TNFRSF19: variants seen among roughly 807,000 people sequenced by gnomAD.
TNFRSF19 encodes the protein TNF receptor superfamily member 19.
In TNFRSF19, 27 loss-of-function variants were observed where a neutral mutation model predicts 46.4. That is an observed-to-expected ratio of 0.58 (90% CI 0.43 to 0.80). The LOEUF is 0.80. Among genes scored for constraint, TNFRSF19 ranks in the 30% least tolerant of loss-of-function variants. TNFRSF19 has a pLI of 0.00. For missense variants in TNFRSF19, 511 were observed against 530.8 expected, an observed-to-expected ratio of 0.96 and a Z score of 0.37; for synonymous variants, 204 against 205.0, an observed-to-expected ratio of 1.00 and a Z score of 0.04.
chr13:23,581,000 T>G (rs79791874), intron 1 of TNFRSF19, among the ~76,000 whole-genome samples: 1 of 152,262 alleles, frequency 6.6e-6, no homozygotes, highest in African/African-American at 2.4e-5. Context: ...ATAAAAGTTA[T>G]TTGTTTCTTT....
At chr13:23,585,570 A>G (rs775867900) in intron 1 of TNFRSF19, 1 of 152,202 alleles carries the variant, frequency 6.6e-6, no homozygotes, top group Non-Finnish European at 1.5e-5. Context: ...TATTTTTCAC[A>G]TATACTATTT....
At chr13:23,638,352 G>C (rs529329201) in intron 5 of TNFRSF19, among the ~76,000 whole-genome samples, 19 of 152,310 alleles carry the variant, frequency 1.2e-4, no homozygotes, top group African/African-American at 4.6e-4. Flanking sequence ...AATCCGGCAA[G>C]TGCCAAAGAG....
intron 5 of TNFRSF19, among the ~76,000 whole-genome samples, chr13:23,651,688 C>T (rs1229768832): frequency 6.6e-6 from 1 of 151,956 alleles, no homozygotes; most frequent in East Asian, 1.9e-4. Flanking sequence ...ATTCAATAGC[C>T]TCCTTAATCT....
chr13:23,675,870 C>T lies in TNFRSF19; in HGVS notation c.*2490C>T, dbSNP rs1951822587. 6.6e-6 allele frequency: 1 copy of T among 152,066 alleles called. No individual in the cohort carries two copies. The highest frequency in any genetic ancestry group is 2.4e-5 in the African/African-American group (1 of 41,416). 9.4% of individuals were successfully genotyped at this position (152,066 alleles called of 1,614,324 possible). A position where few individuals can be genotyped will look rare whatever the true frequency, so the allele number is the denominator to read the frequency against. ...ATATTTTTAAATAGAGATTTTTCTA[C>T]TTTAGATAATGTGTTAATATTGCTA... On this transcript the variant is annotated 3_prime_UTR_variant, in exon 10 of 10. Transcript: ENST00000248484.
intron 3 of TNFRSF19, chr13:23,594,150 G>A (rs1191777344): frequency 2.4e-6 from 1 of 417,970 alleles, no homozygotes; most frequent in African/African-American, 2.1e-5. Flanking sequence ...CTGGGGCCCT[G>A]AGTTTTAAGC....
intron 4 of TNFRSF19, among the ~76,000 whole-genome samples, chr13:23,626,324 T>C (rs1421460342): frequency 6.6e-6 from 1 of 152,136 alleles, no homozygotes; most frequent in Non-Finnish European, 1.5e-5. Context: ...CATTTTTCCG[T>C]TGCTTTTATG....
At chr13:23,652,984 C>T (rs1397961986) in intron 5 of TNFRSF19, among the ~76,000 whole-genome samples, 1 of 152,172 alleles carries the variant, frequency 6.6e-6, no homozygotes. Flanking sequence ...CAAAGAGACC[C>T]AGAAATATCG....
chr13:23,642,273 C>A (rs1451994276), intron 5 of TNFRSF19, among the ~76,000 whole-genome samples: 1 of 152,158 alleles, frequency 6.6e-6, no homozygotes, highest in Non-Finnish European at 1.5e-5. Flanking sequence ...AAAGGCCTCT[C>A]CACTGTATAG....
chr13:23,652,970 G>A (rs1883740431), intron 5 of TNFRSF19, among the ~76,000 whole-genome samples: 1 of 152,202 alleles, frequency 6.6e-6, no homozygotes, highest in African/African-American at 2.4e-5. Context: ...CTAAGCTGCT[G>A]TAACAAAGAG....
At chr13:23,656,327 T>A (rs1198819893) in intron 5 of TNFRSF19, among the ~76,000 whole-genome samples, 4 of 152,282 alleles carry the variant, frequency 2.6e-5, no homozygotes, top group Non-Finnish European at 4.4e-5. Context: ...AAATCCTGAG[T>A]TACAAACCAC....
intron 5 of TNFRSF19, among the ~76,000 whole-genome samples, chr13:23,643,374 T>A (rs1883137186): frequency 6.6e-6 from 1 of 152,216 alleles, no homozygotes; most frequent in Admixed American, 6.5e-5. Context: ...CTGCCTATAA[T>A]TCAGAAGATA....
intron 3 of TNFRSF19, among the ~76,000 whole-genome samples, chr13:23,604,863 G>C (rs67252003): frequency 0.11 from 17,202 of 152,128 alleles, 1,085 homozygotes; most frequent in East Asian, 0.18. Flanking sequence ...AAAATGCAAA[G>C]CTATAAAACT....
chr13:23,615,576 A>G (rs142348856), intron 3 of TNFRSF19, among the ~76,000 whole-genome samples: 24 of 152,350 alleles, frequency 1.6e-4, no homozygotes, highest in African/African-American at 5.8e-4. Context: ...AAGAAGTGCC[A>G]TAATTCTGCC....
intron 7 of TNFRSF19, among the ~76,000 whole-genome samples, chr13:23,667,207 T>G (rs1271480340): frequency 1.3e-5 from 2 of 151,974 alleles, no homozygotes; most frequent in African/African-American, 4.8e-5. Flanking sequence ...TTTCAGCTTA[T>G]AGGATTGAGA....
intron 3 of TNFRSF19, among the ~76,000 whole-genome samples, chr13:23,611,058 G>A (rs1010280279): frequency 6.6e-6 from 1 of 151,842 alleles, no homozygotes; most frequent in Non-Finnish European, 1.5e-5. Context: ...CTGAAGCCCA[G>A]GCTAAAGATG....
intron 5 of TNFRSF19, among the ~76,000 whole-genome samples, chr13:23,630,752 C>G (rs77721947): frequency 0.048 from 7,380 of 152,250 alleles, 340 homozygotes; most frequent in African/African-American, 0.12. Context: ...TGCCTTCAGT[C>G]TGATAAGAAA....
intron 5 of TNFRSF19, among the ~76,000 whole-genome samples, chr13:23,638,881 A>G (rs1882865522): frequency 6.6e-6 from 1 of 152,112 alleles, no homozygotes; most frequent in African/African-American, 2.4e-5. Flanking sequence ...TCATTGCTGC[A>G]TCATGCCAAC....
intron 5 of TNFRSF19, among the ~76,000 whole-genome samples, chr13:23,635,678 C>A (rs1416787541): frequency 6.6e-6 from 1 of 152,164 alleles, no homozygotes; most frequent in Non-Finnish European, 1.5e-5. Flanking sequence ...AGAGCCTGGT[C>A]TAAAACATTA....
intron 1 of TNFRSF19, among the ~76,000 whole-genome samples, chr13:23,583,958 CA>C (rs1878642670): frequency 6.6e-6 from 1 of 152,166 alleles, no homozygotes; most frequent in South Asian, 2.1e-4. Flanking sequence ...AGAATTCTGA[CA>C]GTGATTTTCC....
Sources: gnomAD v4.1 joint callset for allele counts (sites outside exome capture counted in the v4.1 genomes callset) on GRCh38, gnomAD v4.1.1 for gene constraint, MANE v1.5 for transcripts, NCBI Gene and HGNC (gene_info 2026-07-23, HGNC 2026-07-21) for gene names.